The following ADGRL3 variants were observed in gnomAD, a reference collection of about 807,000 sequenced individuals.
ADGRL3 encodes the protein calcium-independent alpha-latrotoxin receptor 3.
A neutral mutation model predicts 153.5 loss-of-function variants in ADGRL3; 62 were observed. The observed-to-expected ratio is 0.40, with a 90% CI of 0.33 to 0.50. The LOEUF (loss-of-function observed/expected upper bound fraction) is 0.50, where lower values mean the gene tolerates loss of function less well. Ranked by LOEUF, ADGRL3 falls within the 20% of genes least tolerant of loss-of-function variation. The pLI is 0.47. For missense variants in ADGRL3, 1,641 were observed against 1,859.4 expected (o/e 0.88, Z 2.16); for synonymous variants, 710 against 672.5 (o/e 1.06, Z -0.86).
chr4:61,491,007 T>C (rs938868641), intron 2 of ADGRL3, among the ~76,000 whole-genome samples: 7 of 152,290 alleles, frequency 4.6e-5, no homozygotes, highest in African/African-American at 1.4e-4. Flanking sequence ...CTCATTTTGC[T>C]TTTGCCCAAT....
chr4:61,318,230 C>T (rs1285429376), intron 1 of ADGRL3, among the ~76,000 whole-genome samples: 1 of 146,894 alleles, frequency 6.8e-6, no homozygotes, highest in East Asian at 2.0e-4. Flanking sequence ...AACACACACA[C>T]ACACACACAC....
At chr4:62,036,261 C>T (rs960346503) in intron 23 of ADGRL3, among the ~76,000 whole-genome samples, 1 of 151,974 alleles carries the variant, frequency 6.6e-6, no homozygotes, top group Non-Finnish European at 1.5e-5. Flanking sequence ...GGTGAGAATG[C>T]CTTTTTCTCC....
chr4:61,424,364 G>T (rs1429200582), intron 2 of ADGRL3, among the ~76,000 whole-genome samples: 2 of 152,074 alleles, frequency 1.3e-5, no homozygotes, highest in Non-Finnish European at 2.9e-5. Flanking sequence ...GGCTGAGGGG[G>T]TCCTCTTAGT....
chr4:61,219,112 CTGA>C, intron 1 of ADGRL3, among the ~76,000 whole-genome samples: 1 of 152,114 alleles, frequency 6.6e-6, no homozygotes, highest in African/African-American at 2.4e-5. Context: ...CTGGCCTCAG[CTGA>C]TTCATGTGTA....
At chr4:61,254,828 T>A (rs2149483279) in intron 1 of ADGRL3, among the ~76,000 whole-genome samples, 1 of 152,340 alleles carries the variant, frequency 6.6e-6, no homozygotes, top group Middle Eastern at 3.4e-3. Context: ...TCAGTCATTT[T>A]TCTTCCTTGT....
intron 1 of ADGRL3, among the ~76,000 whole-genome samples, chr4:61,333,919 ATTT>A (rs67240071): frequency 5.8e-5 from 8 of 138,874 alleles, no homozygotes; most frequent in Non-Finnish European, 6.2e-5. Context: ...CCCTGCCTGT[ATTT>A]TTTTTTTTTT....
intron 17 of ADGRL3, among the ~76,000 whole-genome samples, chr4:61,948,584 G>C (rs562847328): frequency 6.6e-6 from 1 of 152,272 alleles, no homozygotes; most frequent in Admixed American, 6.5e-5. Flanking sequence ...AGGACTCCAG[G>C]ACCAAAGGCC....
At chr4:61,827,259 A>G (rs1264773059) in intron 9 of ADGRL3, among the ~76,000 whole-genome samples, 1 of 152,188 alleles carries the variant, frequency 6.6e-6, no homozygotes, top group Non-Finnish European at 1.5e-5. Flanking sequence ...CATGCTGAAT[A>G]TTGATTCTGT....
chr4:61,456,500 TCTATATATATATAA>T (rs2097757655), intron 2 of ADGRL3, among the ~76,000 whole-genome samples: 1 of 120,348 alleles, frequency 8.3e-6, no homozygotes, highest in Admixed American at 1.0e-4. Flanking sequence ...TATATCTATA[TCTATATATATATAA>T]CTATATATAC....
chr4:61,936,341 C>A (rs888669568), intron 15 of ADGRL3, among the ~76,000 whole-genome samples: 3 of 152,072 alleles, frequency 2.0e-5, no homozygotes, highest in East Asian at 3.9e-4. Context: ...TGACATCTTT[C>A]CTCAAAAAGA....
intron 6 of ADGRL3, among the ~76,000 whole-genome samples, chr4:61,693,057 A>G (rs1370056212): frequency 6.6e-6 from 1 of 152,168 alleles, no homozygotes; most frequent in Non-Finnish European, 1.5e-5. Context: ...GGAAAATGAC[A>G]GTGCCAAAAT....
chr4:61,360,834 A>G (rs989764510), intron 1 of ADGRL3, among the ~76,000 whole-genome samples: 1 of 152,226 alleles, frequency 6.6e-6, no homozygotes, highest in Non-Finnish European at 1.5e-5. Context: ...TGACAATGTC[A>G]TATAAACAAC....
At chr4:61,501,596 A>T (rs1227365983) in intron 3 of ADGRL3, among the ~76,000 whole-genome samples, 1 of 152,174 alleles carries the variant, frequency 6.6e-6, no homozygotes. Context: ...AATATTACTA[A>T]TATCTAAATA....
At chr4:61,902,413 C>T (rs1446525970) in intron 11 of ADGRL3, among the ~76,000 whole-genome samples, 2 of 152,074 alleles carry the variant, frequency 1.3e-5, no homozygotes, top group Non-Finnish European at 2.9e-5. Flanking sequence ...TTTCTCATCA[C>T]CCAGATCTCC....
At chr4:61,764,199 C>T (rs961985619) in intron 8 of ADGRL3, among the ~76,000 whole-genome samples, 1 of 152,062 alleles carries the variant, frequency 6.6e-6, no homozygotes, top group Non-Finnish European at 1.5e-5. Flanking sequence ...GTATACATTA[C>T]GTATACATAT....
chr4:61,338,073 C>T (rs778673109), intron 1 of ADGRL3, among the ~76,000 whole-genome samples: 40 of 151,606 alleles, frequency 2.6e-4, no homozygotes, highest in African/African-American at 8.7e-4. Flanking sequence ...AAGACCAGCC[C>T]GGTAAACATG....
At chr4:61,825,964 G>T (rs780998775) in intron 9 of ADGRL3, among the ~76,000 whole-genome samples, 35 of 152,132 alleles carry the variant, frequency 2.3e-4, no homozygotes, top group Non-Finnish European at 2.9e-5. Context: ...TGGTCACTGA[G>T]TAAAATGGCA....
intron 8 of ADGRL3, among the ~76,000 whole-genome samples, chr4:61,781,046 G>A (rs1229201027): frequency 6.6e-6 from 1 of 152,130 alleles, no homozygotes; most frequent in Admixed American, 6.6e-5. Context: ...TGTTGTCTCA[G>A]CTGGGCATGG....
chr4:61,597,502 T>G (rs1292192619), intron 5 of ADGRL3, among the ~76,000 whole-genome samples: 3 of 152,114 alleles, frequency 2.0e-5, no homozygotes, highest in Non-Finnish European at 4.4e-5. Flanking sequence ...CCTGGAGATT[T>G]GAATTTACTT....
Sources: gnomAD v4.1 joint callset for allele counts (sites outside exome capture counted in the v4.1 genomes callset) on GRCh38, gnomAD v4.1.1 for gene constraint, MANE v1.5 for transcripts, NCBI Gene and HGNC (gene_info 2026-07-23, HGNC 2026-07-21) for gene names.